SKAP2: variants seen among roughly 807,000 people sequenced by gnomAD.
SKAP2 encodes the protein src kinase associated phosphoprotein 2, also known as src kinase-associated phosphoprotein 2.
Under a neutral mutation model 54.9 loss-of-function variants are expected in SKAP2, and 28 were observed. The observed-to-expected ratio is 0.51, with a 90% CI of 0.38 to 0.70. The LOEUF (loss-of-function observed/expected upper bound fraction) is 0.70. Among genes scored for constraint, SKAP2 ranks in the 30% least tolerant of loss-of-function variants. SKAP2 has a pLI of 0.00. For missense variants in SKAP2, 356 were observed against 424.1 expected (o/e 0.84, Z 1.41); for synonymous variants, 137 against 134.3 (o/e 1.02, Z -0.14).
rs751361222 is a variant in SKAP2 at position 26,684,796 on chromosome 7, A to G, written c.927T>C (p.Thr309=). 1 of 1,613,242 alleles carries G rather than the reference A, an allele frequency of 6.2e-7. No individual in the cohort carries two copies. The highest frequency in any genetic ancestry group is 1.7e-5 in the Admixed American group (1 of 60,000). Residue 309 remains threonine (T), a synonymous_variant, in exon 11 of 13, where the codon ACT becomes ACC. Transcript: ENST00000345317. ...ATGACAACTCATCAGAAAAAGCTCC[A>G]GTACAATCCCACAATCCCTGGTAAA... The part of the protein sequence containing the change: ...ANFYQGLWDC[T]GAFSDELSFK...
intron 9 of SKAP2, among the ~76,000 whole-genome samples, chr7:26,697,809 T>C (rs1307264257): frequency 6.6e-6 from 1 of 152,232 alleles, no homozygotes; most frequent in Admixed American, 6.5e-5. Context: ...GCTACCTTTA[T>C]TCAGCTACTG....
chr7:26,720,266 G>C (rs1787551715), intron 9 of SKAP2, among the ~76,000 whole-genome samples: 1 of 152,196 alleles, frequency 6.6e-6, no homozygotes, highest in Non-Finnish European at 1.5e-5. Flanking sequence ...TTTCGGTTTA[G>C]TATGTGTTAA....
chr7:26,791,411 A>G (rs1000695114), intron 4 of SKAP2, among the ~76,000 whole-genome samples: 4 of 152,030 alleles, frequency 2.6e-5, no homozygotes, highest in Admixed American at 1.3e-4. Context: ...CCTGGGCTCA[A>G]GCGATCCTCC....
chr7:26,661,028 C>T, the SKAP2 span, among the ~76,000 whole-genome samples: 1 of 152,030 alleles, frequency 6.6e-6, no homozygotes, highest in African/African-American at 2.4e-5. Flanking sequence ...CTCAAACTTA[C>T]TTTGATATCT....
At chr7:26,833,843 C>A (rs1414065230) in intron 4 of SKAP2, among the ~76,000 whole-genome samples, 1 of 152,172 alleles carries the variant, frequency 6.6e-6, no homozygotes, top group Admixed American at 6.5e-5. Flanking sequence ...CTGGACCAAG[C>A]AGACCTAACA....
rs144444068 is a variant in SKAP2 at position 26,696,948 on chromosome 7, A to C, written c.797-6586T>G. Among the ~76,000 whole-genome samples, 4 of 152,224 alleles carry C rather than the reference A, an allele frequency of 2.6e-5. No individual in the cohort carries two copies. In the East Asian group the frequency reaches 7.7e-4, roughly 29 times the overall value. On this transcript the variant is annotated intron_variant, in intron 9 of 12. Coordinates refer to ENST00000345317, the MANE Select transcript of SKAP2 (RefSeq NM_003930.5). Reference sequence around the variant, plus strand: ...CAAAAAAATACCCATACACACACAAATCAGAAAATGTGAAAATAATTTTTC... The same window carrying C: ...CAAAAAAATACCCATACACACACAACTCAGAAAATGTGAAAATAATTTTTC...
At chr7:26,656,818 C>A in the SKAP2 span, among the ~76,000 whole-genome samples, 1 of 151,848 alleles carries the variant, frequency 6.6e-6, no homozygotes, top group Non-Finnish European at 1.5e-5. Context: ...GTTCATCTAC[C>A]AGGATGTGTC....
chr7:26,793,218 C>T (rs893324402), intron 4 of SKAP2, among the ~76,000 whole-genome samples: 10 of 152,154 alleles, frequency 6.6e-5, no homozygotes, highest in Non-Finnish European at 1.3e-4. Flanking sequence ...AGCACAATTG[C>T]CAACTATCCT....
chr7:26,850,504 G>A (rs1393183894), intron 3 of SKAP2, among the ~76,000 whole-genome samples: 1 of 151,286 alleles, frequency 6.6e-6, no homozygotes, highest in East Asian at 1.9e-4. Context: ...CCTCCCAAAG[G>A]AGCTGGGGGA....
At chr7:26,776,881 T>A (rs1388728224) in intron 4 of SKAP2, among the ~76,000 whole-genome samples, 1 of 152,126 alleles carries the variant, frequency 6.6e-6, no homozygotes, top group Non-Finnish European at 1.5e-5. Context: ...AAAATCTATC[T>A]CTTGTCTACC....
At chr7:26,852,054 A>G (rs957299114) in intron 3 of SKAP2, among the ~76,000 whole-genome samples, 6 of 152,152 alleles carry the variant, frequency 3.9e-5, no homozygotes, top group African/African-American at 1.4e-4. Context: ...TATGTTCACA[A>G]TGTGACCCTA....
At chr7:26,697,934 C>G (rs943360053) in intron 9 of SKAP2, among the ~76,000 whole-genome samples, 2 of 152,072 alleles carry the variant, frequency 1.3e-5, no homozygotes, top group African/African-American at 4.8e-5. Context: ...TGTTTTGAAT[C>G]CTTTTTTAGA....
At chr7:26,717,040 T>C (rs2127952476) in intron 9 of SKAP2, among the ~76,000 whole-genome samples, 1 of 152,304 alleles carries the variant, frequency 6.6e-6, no homozygotes, top group Non-Finnish European at 1.5e-5. Context: ...CTGAAGCACA[T>C]ATAACGGGCA....
chr7:26,688,013 AG>A (rs1786686449), intron 10 of SKAP2, among the ~76,000 whole-genome samples: 1 of 152,142 alleles, frequency 6.6e-6, no homozygotes, highest in Non-Finnish European at 1.5e-5. Context: ...AAAATTAATT[AG>A]CCAGCCTGTG....
intron 9 of SKAP2, among the ~76,000 whole-genome samples, chr7:26,699,992 A>T (rs1378373448): frequency 6.6e-6 from 1 of 152,134 alleles, no homozygotes; most frequent in Non-Finnish European, 1.5e-5. Context: ...CCTTTCTTGT[A>T]CTTGTGCAAC....
At chr7:26,782,254 T>C (rs954480948) in intron 4 of SKAP2, among the ~76,000 whole-genome samples, 3 of 152,150 alleles carry the variant, frequency 2.0e-5, no homozygotes, top group African/African-American at 7.2e-5. Context: ...TAACTGATAA[T>C]TAATATAAGG....
chr7:26,819,195 G>A (rs1310342036), intron 4 of SKAP2, among the ~76,000 whole-genome samples: 1 of 152,096 alleles, frequency 6.6e-6, no homozygotes, highest in Admixed American at 6.6e-5. Flanking sequence ...ATGATAGACT[G>A]GATAAAGAAA....
At chr7:26,726,011 C>T (rs757509387) in intron 7 of SKAP2, 25 bp from the exon 8 acceptor site, 10 of 1,458,272 alleles carry the variant, frequency 6.9e-6, no homozygotes, top group Admixed American at 1.7e-5. Flanking sequence ...ACAGTAAGAA[C>T]GAAAATCACC....
intron 4 of SKAP2, among the ~76,000 whole-genome samples, chr7:26,786,673 A>G (rs559495900): frequency 1.1e-4 from 16 of 152,318 alleles, no homozygotes; most frequent in African/African-American, 3.4e-4. Flanking sequence ...CTTAATTATA[A>G]TAAACACGTG....
Sources: gnomAD v4.1 joint callset for allele counts (sites outside exome capture counted in the v4.1 genomes callset) on GRCh38, gnomAD v4.1.1 for gene constraint, MANE v1.5 for transcripts, NCBI Gene and HGNC (gene_info 2026-07-23, HGNC 2026-07-21) for gene names.